TRIM4: variants seen among roughly 807,000 people sequenced by gnomAD.
TRIM4 encodes E3 ubiquitin-protein ligase TRIM4.
TRIM4 carries 29 observed loss-of-function variants against 33.7 expected under a neutral mutation model. The observed-to-expected ratio is 0.86, with a 90% confidence interval of 0.64 to 1.17. The LOEUF is 1.17. Ranked by LOEUF, TRIM4 falls within the 50% of genes most tolerant of loss-of-function variation. The pLI is 0.00. For synonymous variants in TRIM4, 224 were observed against 233.0 expected (o/e 0.96, Z 0.35); for missense variants, 554 against 593.7 (o/e 0.93, Z 0.69).
chr7:99,918,187 C>T (rs1819600017), intron 1 of TRIM4, among the ~76,000 whole-genome samples: 1 of 152,186 alleles, frequency 6.6e-6, no homozygotes. Context: ...CATACAAGCA[C>T]CTGAAACGTG....
chr7:99,909,777 G>T, intron 1 of TRIM4, 117 bp from the exon 2 acceptor site: 1 of 827,490 alleles, frequency 1.2e-6, no homozygotes, highest in Non-Finnish European at 1.8e-6. Context: ...TTGTCACCCA[G>T]GTTAGACTGC....
chr7:99,913,037 T>C (rs1442654408), intron 1 of TRIM4, among the ~76,000 whole-genome samples: 2 of 152,224 alleles, frequency 1.3e-5, no homozygotes, highest in African/African-American at 4.8e-5. Flanking sequence ...TAATGAGATA[T>C]ATATTAGTTC....
intron 3 of TRIM4, 83 bp downstream of exon 3, chr7:99,908,499 C>T: frequency 8.9e-7 from 1 of 1,127,646 alleles, no homozygotes; most frequent in Non-Finnish European, 1.3e-6. Context: ...GAAACCCACT[C>T]ACCAGGAAGG....
chr7:99,903,001 G>A (rs1029229537), intron 5 of TRIM4, among the ~76,000 whole-genome samples: 2 of 152,068 alleles, frequency 1.3e-5, no homozygotes, highest in East Asian at 1.9e-4. Context: ...ACGAACTCAT[G>A]AAGAAGTGAA....
Position 99,892,669 on chromosome 7 carries a change from C to T in TRIM4, c.919G>A (p.Ala307Thr). 6.2e-7 allele frequency: 1 copy of T among 1,614,186 alleles called. No individual in the cohort carries two copies. The highest frequency in any genetic ancestry group is 8.5e-7 in the Non-Finnish European group (1 of 1,180,040). ...AACACTGGCCAAGAACTGGCTGATG[C>T]TGTATTTTTCACGTATCTCCCTTCC... ...SQEGRYVKNT[A>T]SASSWPVFSS... is the part of the protein sequence containing the mutation. The change falls in exon 6 of 6, where the codon GCA becomes ACA. Residue 307 changes from alanine to threonine, a missense_variant. Ala to Thr is a moderately conservative substitution (Grantham distance 58, BLOSUM62 0). Around this residue, in one of 3 missense-constraint regions of TRIM4, gnomAD observed 290 missense variants for 335.8 expected, o/e 0.86. Transcript: ENST00000349062.
At chr7:99,898,105 CATG>C (rs1471819086) in intron 5 of TRIM4, among the ~76,000 whole-genome samples, 2 of 152,340 alleles carry the variant, frequency 1.3e-5, no homozygotes, top group Non-Finnish European at 1.5e-5. Context: ...CTATATTTGG[CATG>C]ATAAGTCTCA....
intron 1 of TRIM4, among the ~76,000 whole-genome samples, chr7:99,917,618 C>T (rs1819584977): frequency 6.6e-6 from 1 of 152,178 alleles, no homozygotes; most frequent in African/African-American, 2.4e-5. Context: ...ACTCGGTAAG[C>T]TGAGGCAGGA....
intron 1 of TRIM4, chr7:99,917,706 C>T (rs958880573): frequency 5.6e-6 from 4 of 713,332 alleles, no homozygotes; most frequent in African/African-American, 1.9e-5. Flanking sequence ...GCAACAAGAG[C>T]GAAACTCCAT....
intron 5 of TRIM4, among the ~76,000 whole-genome samples, chr7:99,893,028 C>A (rs1400232983): frequency 6.6e-6 from 1 of 152,186 alleles, no homozygotes; most frequent in East Asian, 1.9e-4. Flanking sequence ...GCAGGGAGAT[C>A]ACTGGAGGTC....
intron 5 of TRIM4, among the ~76,000 whole-genome samples, chr7:99,898,276 C>G (rs1229470677): frequency 6.6e-6 from 1 of 152,224 alleles, no homozygotes; most frequent in Non-Finnish European, 1.5e-5. Context: ...AACAAGAGTG[C>G]AGATACAGGT....
Position 99,903,335 on chromosome 7 carries a change from T to C in TRIM4, c.744-20A>G. On this transcript the variant is annotated intron_variant, in intron 4 of 5. Transcript: ENST00000349062. ...TCACTCCTAAGAAGGTAGAGAAGACTGCTCTTAGGGGACAACTAGGGTAGC... is the reference window on the plus strand; with the variant it reads ...TCACTCCTAAGAAGGTAGAGAAGACCGCTCTTAGGGGACAACTAGGGTAGC... 6.3e-7 allele frequency: 1 copy of C among 1,574,912 alleles called. No homozygotes were observed. The highest frequency in any genetic ancestry group is 8.7e-7 in the Non-Finnish European group (1 of 1,151,120).
intron 4 of TRIM4, 124 bp downstream of exon 4, chr7:99,903,452 T>C: frequency 7.1e-7 from 1 of 1,403,960 alleles, no homozygotes; most frequent in African/African-American, 1.4e-5. Flanking sequence ...AGGAGAATTT[T>C]TCCTCAGACC....
At chr7:99,906,189 G>A (rs1442026530) in intron 3 of TRIM4, among the ~76,000 whole-genome samples, 2 of 152,116 alleles carry the variant, frequency 1.3e-5, no homozygotes, top group South Asian at 2.1e-4. Flanking sequence ...AAGTCCAGAG[G>A]GAGGCTACCC....
At chr7:99,912,747 T>A (rs1487527538) in intron 1 of TRIM4, among the ~76,000 whole-genome samples, 1 of 152,202 alleles carries the variant, frequency 6.6e-6, no homozygotes, top group Non-Finnish European at 1.5e-5. Flanking sequence ...ACAAAATTCT[T>A]CCAACTTTGA....
intron 3 of TRIM4, among the ~76,000 whole-genome samples, chr7:99,906,550 T>A (rs1819310281): frequency 6.6e-6 from 1 of 152,142 alleles, no homozygotes; most frequent in African/African-American, 2.4e-5. Context: ...TTTGTCAAAA[T>A]CTGTGGAATA....
intron 1 of TRIM4, among the ~76,000 whole-genome samples, chr7:99,917,322 A>G (rs1819577504): frequency 6.6e-6 from 1 of 152,260 alleles, no homozygotes; most frequent in Non-Finnish European, 1.5e-5. Flanking sequence ...GAAGGAATGA[A>G]CATACACTTT....
intron 5 of TRIM4, chr7:99,901,170 T>C (rs1351556625): frequency 6.6e-6 from 1 of 152,234 alleles, no homozygotes; most frequent in Non-Finnish European, 1.5e-5. Flanking sequence ...TTTTTTGTAG[T>C]TTCCATTGCT....
chr7:99,902,848 G>A (rs548085339), intron 5 of TRIM4, among the ~76,000 whole-genome samples: 57 of 151,468 alleles, frequency 3.8e-4, no homozygotes, highest in Middle Eastern at 6.8e-3. Context: ...CAAAACTGTC[G>A]CCTCTGCTGT....
intron 3 of TRIM4, among the ~76,000 whole-genome samples, chr7:99,906,069 C>A (rs1319158091): frequency 6.6e-6 from 1 of 151,972 alleles, no homozygotes; most frequent in Admixed American, 6.6e-5. Context: ...AGCTTGTACC[C>A]GGGAGGCAGA....
Sources: allele counts gnomAD v4.1 joint callset (sites outside exome capture counted in the v4.1 genomes callset), GRCh38; gene constraint gnomAD v4.1.1; regional missense constraint gnomAD v4.1.1; transcripts MANE v1.5; gene names NCBI Gene and HGNC (gene_info 2026-07-23, HGNC 2026-07-21).